RORA: variants seen among roughly 807,000 people sequenced by gnomAD.
RORA encodes the protein RAR related orphan receptor A.
RORA carries 7 observed loss-of-function variants against 69.5 expected under a neutral mutation model. That is an observed-to-expected ratio of 0.10 (90% CI 0.06 to 0.19). RORA has a LOEUF of 0.19. Among genes scored for constraint, RORA ranks in the 10% least tolerant of loss-of-function variants. RORA has a pLI of 1.00. For synonymous variants in RORA, 261 were observed against 240.8 expected, an observed-to-expected ratio of 1.08 and a Z score of -0.78; for missense variants, 457 against 663.0, an observed-to-expected ratio of 0.69 and a Z score of 3.41.
chr15:60,976,018 C>A (rs1893863302), intron 1 of RORA, among the ~76,000 whole-genome samples: 1 of 152,244 alleles, frequency 6.6e-6, no homozygotes, highest in Non-Finnish European at 1.5e-5. Context: ...CTGGCTTGGG[C>A]CATATAAGCT....
At chr15:60,966,261 T>C (rs1448369358) in intron 1 of RORA, among the ~76,000 whole-genome samples, 1 of 152,188 alleles carries the variant, frequency 6.6e-6, no homozygotes, top group Non-Finnish European at 1.5e-5. Flanking sequence ...AAAGACCCTA[T>C]CTATAATATG....
intron 2 of RORA, among the ~76,000 whole-genome samples, chr15:60,611,614 G>C (rs575717616): frequency 7.6e-5 from 9 of 117,772 alleles, no homozygotes; most frequent in Non-Finnish European, 1.5e-4. Flanking sequence ...TGCACGAGGA[G>C]TCTAGAGAAC....
intron 1 of RORA, among the ~76,000 whole-genome samples, chr15:61,112,320 G>C (rs2079013642): frequency 6.6e-6 from 1 of 152,158 alleles, no homozygotes; most frequent in African/African-American, 2.4e-5. Flanking sequence ...CTTGACCACA[G>C]AAAGTCTGAG....
At chr15:60,788,998 G>T (rs2072379659) in intron 1 of RORA, among the ~76,000 whole-genome samples, 1 of 152,200 alleles carries the variant, frequency 6.6e-6, no homozygotes, top group Admixed American at 6.5e-5. Context: ...ACCCACAGTG[G>T]CTGCGAAGCA....
At chr15:61,078,884 G>C (rs913435834) in intron 1 of RORA, among the ~76,000 whole-genome samples, 4 of 152,108 alleles carry the variant, frequency 2.6e-5, no homozygotes, top group Non-Finnish European at 5.9e-5. Context: ...TGATCTGATT[G>C]TTCTAATATA....
rs542500737 is a variant in RORA at position 60,579,324 on chromosome 15, T to C, written c.197-47473A>G. ...CCGCAGGGGGTCCCTGGATCACACA[T>C]TGAAGACCACTACTGTAGAGGATAG... On this transcript the variant is annotated intron_variant, in intron 2 of 10. Coordinates refer to ENST00000335670, the MANE Select transcript of RORA (RefSeq NM_134261.3). Among the ~76,000 whole-genome samples, 8 of 152,302 alleles carry C rather than the reference T, an allele frequency of 5.3e-5. No homozygotes were observed. The East Asian group carries it at 1.5e-3, about 29-fold the overall frequency.
intron 1 of RORA, among the ~76,000 whole-genome samples, chr15:60,701,798 G>A (rs1387489955): frequency 6.6e-6 from 1 of 152,188 alleles, no homozygotes; most frequent in African/African-American, 2.4e-5. Flanking sequence ...TCAGAAGTCT[G>A]GAGGGAAGAG....
At chr15:60,516,324 C>A (rs1211709310) in intron 3 of RORA, among the ~76,000 whole-genome samples, 1 of 131,610 alleles carries the variant, frequency 7.6e-6, no homozygotes, top group East Asian at 2.1e-4. Context: ...GTCTTGAACT[C>A]CTGGCCTTAA....
intron 1 of RORA, among the ~76,000 whole-genome samples, chr15:61,221,085 T>A (rs946705000): frequency 6.6e-6 from 1 of 152,226 alleles, no homozygotes; most frequent in Non-Finnish European, 1.5e-5. Flanking sequence ...GAGAGAAATG[T>A]CTGGGTCTAG....
intron 1 of RORA, among the ~76,000 whole-genome samples, chr15:60,911,069 A>ATTTT (rs528370848): frequency 8.9e-5 from 8 of 89,674 alleles, no homozygotes; most frequent in Admixed American, 1.1e-4. Context: ...TGCCCAGCTA[A>ATTTT]TTTTTTTTTT....
intron 1 of RORA, among the ~76,000 whole-genome samples, chr15:60,766,057 C>T (rs967956043): frequency 1.4e-4 from 21 of 152,240 alleles, no homozygotes; most frequent in South Asian, 4.1e-4. Context: ...TTATTTATTA[C>T]GCATAGAAAG....
intron 2 of RORA, among the ~76,000 whole-genome samples, chr15:60,640,693 G>T (rs1185036483): frequency 6.6e-6 from 1 of 151,944 alleles, no homozygotes; most frequent in Non-Finnish European, 1.5e-5. Flanking sequence ...TTCTACCGCA[G>T]GGCCTTTTAA....
rs539593272 is a variant in RORA, at chr15:60,800,098, C to T, written c.167-121412G>A. ...TATTCAGCCACCCTCACGTTGGTTG[C>T]CCAAAACTGGCTACGGTGAGAGTAT... is the stretch of plus-strand genomic sequence containing the variant. On this transcript the variant is annotated intron_variant, in intron 1 of 10. Coordinates refer to ENST00000335670, the MANE Select transcript of RORA (RefSeq NM_134261.3). 3.3e-5 allele frequency among the ~76,000 whole-genome samples: 5 copies of T among 152,312 alleles called. No homozygotes were observed. The South Asian group carries it at 1.0e-3, about 32-fold the overall frequency.
intron 2 of RORA, among the ~76,000 whole-genome samples, chr15:60,649,455 A>G (rs1192468752): frequency 6.6e-6 from 1 of 152,192 alleles, no homozygotes; most frequent in Admixed American, 6.5e-5. Flanking sequence ...CTGTATGTGT[A>G]TCTGAAAACT....
chr15:60,748,468 G>C (rs964059759), intron 1 of RORA, among the ~76,000 whole-genome samples: 4 of 152,220 alleles, frequency 2.6e-5, no homozygotes, highest in Non-Finnish European at 5.9e-5. Flanking sequence ...ATATGTTAAT[G>C]TTTCACACTT....
chr15:60,839,815 C>G (rs1485585655), intron 1 of RORA, among the ~76,000 whole-genome samples: 2 of 152,078 alleles, frequency 1.3e-5, no homozygotes, highest in African/African-American at 4.8e-5. Context: ...AAATCCCATG[C>G]TTATGTATAT....
intron 2 of RORA, among the ~76,000 whole-genome samples, chr15:60,585,424 A>T (rs2068305056): frequency 6.6e-6 from 1 of 152,098 alleles, no homozygotes; most frequent in African/African-American, 2.4e-5. Flanking sequence ...ATCTTCAGAA[A>T]CCAAGGGGTT....
In RORA at chr15:61,226,496, T is replaced by C. The variant is rs894261485; in HGVS notation, c.166+2557A>G. ...ACTGCTTACACTCTGGGAGCCGGCT[T>C]GCATATTCTGCCAACTCCATTACAT... On this transcript the variant is annotated intron_variant, in intron 1 of 10. Coordinates refer to ENST00000335670, the MANE Select transcript of RORA (RefSeq NM_134261.3). This position sits in a 1 kb window ranked among gnomAD's most constrained non-coding sequence, Gnocchi z 4.2. 2.0e-5 allele frequency among the ~76,000 whole-genome samples: 3 copies of C among 152,246 alleles called. No homozygotes were observed. The highest frequency in any genetic ancestry group is 7.2e-5 in the African/African-American group (3 of 41,456).
intron 1 of RORA, among the ~76,000 whole-genome samples, chr15:60,774,377 T>C (rs1160410538): frequency 1.3e-5 from 2 of 152,176 alleles, no homozygotes; most frequent in East Asian, 3.8e-4. Flanking sequence ...ACAATGGAAA[T>C]GGCTTCATCC....
Sources: allele counts gnomAD v4.1 joint callset (sites outside exome capture counted in the v4.1 genomes callset), GRCh38; gene constraint gnomAD v4.1.1; non-coding constraint Gnocchi (gnomAD v3.1); transcripts MANE v1.5; gene names NCBI Gene and HGNC (gene_info 2026-07-23, HGNC 2026-07-21).